The following NRG3 variants were observed in gnomAD, a reference collection of about 807,000 sequenced individuals.
The protein encoded by NRG3 is neuregulin 3.
NRG3 carries 31 observed loss-of-function variants against 66.9 expected under a neutral mutation model. The observed-to-expected ratio is 0.46, with a 90% CI of 0.35 to 0.63. The LOEUF (loss-of-function observed/expected upper bound fraction) is 0.63, where lower values mean the gene tolerates loss of function less well. Ranked by LOEUF, NRG3 falls within the 20% of genes least tolerant of loss-of-function variation. NRG3 has a pLI of 0.00. For synonymous variants in NRG3, 393 were observed against 359.4 expected (o/e 1.09, Z -1.06); for missense variants, 910 against 878.9 (o/e 1.04, Z -0.45).
intron 6 of NRG3, among the ~76,000 whole-genome samples, chr10:82,968,328 A>AGTCACTGT (rs564955188): frequency 1.2e-3 from 179 of 152,350 alleles, no homozygotes; most frequent in African/African-American, 4.1e-3. Context: ...AGGTACAAGT[A>AGTCACTGT]GTCACTGAAA....
chr10:82,569,837 T>C (rs1384444840), intron 2 of NRG3, among the ~76,000 whole-genome samples: 2 of 151,736 alleles, frequency 1.3e-5, no homozygotes, highest in African/African-American at 4.8e-5. Flanking sequence ...TCCAGGTTCT[T>C]GGTTGGTTTC....
At chr10:81,876,399 C>G (rs977431006) in intron 1 of NRG3, among the ~76,000 whole-genome samples, 5 of 152,112 alleles carry the variant, frequency 3.3e-5, no homozygotes, top group Non-Finnish European at 7.3e-5. Context: ...GCTCCACTGG[C>G]CCCACTTTAG....
intron 2 of NRG3, among the ~76,000 whole-genome samples, chr10:82,575,828 C>T (rs915300582): frequency 6.6e-6 from 1 of 151,734 alleles, no homozygotes; most frequent in Non-Finnish European, 1.5e-5. Context: ...TTTCTCCTTT[C>T]CCATTAGGTT....
At chr10:81,887,801 A>G (rs1389941990) in intron 1 of NRG3, among the ~76,000 whole-genome samples, 2 of 152,142 alleles carry the variant, frequency 1.3e-5, no homozygotes, top group Non-Finnish European at 2.9e-5. Flanking sequence ...ATTAGAAGTC[A>G]AGATGGTGAT....
intron 4 of NRG3, among the ~76,000 whole-genome samples, chr10:82,905,414 G>T (rs1423908799): frequency 6.6e-6 from 1 of 152,062 alleles, no homozygotes; most frequent in Non-Finnish European, 1.5e-5. Flanking sequence ...CATTCCACCA[G>T]GTTACCTGTT....
At chr10:82,349,879 C>A (rs934957122) in intron 1 of NRG3, among the ~76,000 whole-genome samples, 1 of 152,196 alleles carries the variant, frequency 6.6e-6, no homozygotes, top group Non-Finnish European at 1.5e-5. Context: ...ACTCCCTGAC[C>A]CCTTGCGCTT....
intron 1 of NRG3, among the ~76,000 whole-genome samples, chr10:82,302,331 G>A (rs1334113723): frequency 6.6e-6 from 1 of 151,942 alleles, no homozygotes; most frequent in South Asian, 2.1e-4. Flanking sequence ...CAATTTAAAC[G>A]TCCATTCCTA....
intron 2 of NRG3, among the ~76,000 whole-genome samples, chr10:82,714,651 T>C (rs866994095): frequency 6.6e-6 from 1 of 152,190 alleles, no homozygotes; most frequent in Non-Finnish European, 1.5e-5. Flanking sequence ...GATAAGAAAA[T>C]TGCAAATTCT....
intron 1 of NRG3, among the ~76,000 whole-genome samples, chr10:82,319,715 C>T (rs995978870): frequency 6.6e-6 from 1 of 152,168 alleles, no homozygotes; most frequent in Non-Finnish European, 1.5e-5. Context: ...CCTTAGCCTG[C>T]AGCCCACCTG....
chr10:82,566,980 G>A (rs933891177), intron 2 of NRG3, among the ~76,000 whole-genome samples: 1 of 151,816 alleles, frequency 6.6e-6, no homozygotes. Context: ...GTTGCTGTAG[G>A]TCTGGTGACT....
intron 1 of NRG3, among the ~76,000 whole-genome samples, chr10:82,332,363 G>A (rs551885549): frequency 7.9e-5 from 12 of 152,228 alleles, no homozygotes; most frequent in Non-Finnish European, 1.5e-4. Flanking sequence ...GGGGAACCAG[G>A]GTAATGGGGA....
At chr10:82,144,039 A>T (rs1459280539) in intron 1 of NRG3, among the ~76,000 whole-genome samples, 1 of 151,154 alleles carries the variant, frequency 6.6e-6, no homozygotes, top group African/African-American at 2.4e-5. Flanking sequence ...TAAAAAAAAA[A>T]AAAAGAAAAG....
intron 3 of NRG3, among the ~76,000 whole-genome samples, chr10:82,772,103 T>TG (rs2059733988): frequency 6.6e-6 from 1 of 152,190 alleles, no homozygotes; most frequent in Non-Finnish European, 1.5e-5. Context: ...TGTCTACTTT[T>TG]TTTCAAATTT....
At chr10:82,540,338 T>G (rs577067322) in intron 2 of NRG3, among the ~76,000 whole-genome samples, 1 of 152,316 alleles carries the variant, frequency 6.6e-6, no homozygotes, top group African/African-American at 2.4e-5. Context: ...TCCCTTCTTC[T>G]GTTTTCTCTT....
At chr10:81,877,851 G>C in intron 1 of NRG3, 7 of 1,490,704 alleles carry the variant, frequency 4.7e-6, no homozygotes, top group Non-Finnish European at 6.2e-6. Flanking sequence ...TTTTGTAGAA[G>C]GATAAAGGAT....
At position 82,464,243 on chromosome 10, in the gene NRG3, G is replaced by T. The variant is rs574196395; in HGVS notation, c.953+105375G>T. On this transcript the variant is annotated intron_variant, in intron 2 of 8. Transcript: ENST00000372141. ...ATCCAAGCAGTAGCAAAAATATGAA[G>T]ACTTAGGCTCAGGAAAATTTTTTCT... Among the ~76,000 whole-genome samples the T allele has an allele frequency of 1.6e-4, 25 of 152,176 alleles. No homozygotes were observed. In the South Asian group the frequency reaches 5.2e-3, roughly 32 times the overall value.
At chr10:82,494,182 G>A (rs1488807263) in intron 2 of NRG3, among the ~76,000 whole-genome samples, 3 of 152,132 alleles carry the variant, frequency 2.0e-5, no homozygotes, top group Admixed American at 1.3e-4. Context: ...ACAGTGTGGC[G>A]ATTCCTCAAG....
chr10:82,220,979 A>G (rs2075913040), intron 1 of NRG3, among the ~76,000 whole-genome samples: 1 of 152,252 alleles, frequency 6.6e-6, no homozygotes, highest in Non-Finnish European at 1.5e-5. Flanking sequence ...AGAAGACACT[A>G]TTGTCTCAAA....
At chr10:82,822,323 C>T (rs1168406897) in intron 3 of NRG3, among the ~76,000 whole-genome samples, 1 of 152,018 alleles carries the variant, frequency 6.6e-6, no homozygotes, top group Non-Finnish European at 1.5e-5. Flanking sequence ...GGTGTTGATG[C>T]ACATCTGAGA....
Sources: gnomAD v4.1 joint callset for allele counts (sites outside exome capture counted in the v4.1 genomes callset) on GRCh38, gnomAD v4.1.1 for gene constraint, MANE v1.5 for transcripts, NCBI Gene and HGNC (gene_info 2026-07-23, HGNC 2026-07-21) for gene names.